The following RRAS2 variants were observed in gnomAD, a reference collection of about 807,000 sequenced individuals.
RRAS2 encodes the protein ras-related protein R-Ras2.
In RRAS2, 7 loss-of-function variants were observed where a neutral mutation model predicts 27.6. The ratio of observed to expected loss-of-function variants is 0.25; its 90% confidence interval spans 0.14 to 0.48. The LOEUF (loss-of-function observed/expected upper bound fraction) is 0.48, where lower values mean the gene tolerates loss of function less well. RRAS2 is among the 20% of genes least tolerant of loss of function. The pLI is 0.99. For synonymous variants in RRAS2, 86 were observed against 90.9 expected (o/e 0.95, Z 0.31); for missense variants, 178 against 256.2 (o/e 0.69, Z 2.08).
chr11:14,339,427 T>C (rs975389386), intron 1 of RRAS2, among the ~76,000 whole-genome samples: 24 of 152,210 alleles, frequency 1.6e-4, no homozygotes, highest in African/African-American at 5.3e-4. Flanking sequence ...AGAACAGTCA[T>C]TCTATTTTAT....
At chr11:14,339,632 T>C (rs1848658182) in intron 1 of RRAS2, among the ~76,000 whole-genome samples, 1 of 152,120 alleles carries the variant, frequency 6.6e-6, no homozygotes, top group Non-Finnish European at 1.5e-5. Context: ...TAAGTCAGAA[T>C]AGCATTTACA....
chr11:14,307,809 C>T (rs2970334), intron 1 of RRAS2, among the ~76,000 whole-genome samples: 60,385 of 151,824 alleles, frequency 0.4, 12,260 homozygotes, highest in Admixed American at 0.49. Context: ...AAAATGGAAA[C>T]GCCCCATTTG....
In RRAS2 at chr11:14,358,337, C is replaced by T; in HGVS notation, c.108+426G>A. On this transcript the variant is annotated intron_variant, in intron 1 of 5. Coordinates refer to ENST00000256196, the MANE Select transcript of RRAS2 (RefSeq NM_012250.6). The surrounding 1 kb of genome is among the most constrained non-coding windows in gnomAD (Gnocchi z 5.1). Reference sequence around the variant, plus strand: ...GCCGCGGCCAAGTTGCCACCGCTATCGCCCCGACGGTGAAGGCGCGGCCGC... The same window carrying T: ...GCCGCGGCCAAGTTGCCACCGCTATTGCCCCGACGGTGAAGGCGCGGCCGC... 1 of 985,630 alleles carries T rather than the reference C, an allele frequency of 1.0e-6. No individual in the cohort carries two copies. Among genetic ancestry groups the T allele is most frequent in the Non-Finnish European group, 1.2e-6 (1 of 830,088 alleles). 61.1% of individuals were successfully genotyped at this position (985,630 alleles called of 1,614,324 possible).
chr11:14,305,654 T>C (rs891147288), intron 1 of RRAS2, among the ~76,000 whole-genome samples: 4 of 152,150 alleles, frequency 2.6e-5, no homozygotes, highest in Non-Finnish European at 4.4e-5. Context: ...CCTCAAGAGA[T>C]ATTCCTTGAA....
At position 14,359,040 on chromosome 11, in the gene RRAS2, G is replaced by A. The variant is rs1554955899; in HGVS notation, c.-170C>T. On this transcript the variant is annotated 5_prime_UTR_variant, in exon 1 of 6. Coordinates refer to ENST00000256196, the MANE Select transcript of RRAS2 (RefSeq NM_012250.6). ...GGTCAGCGCGGTAGCGCGGCGCTGG[G>A]GACTGGCTGGGTACCGCCCGAGGCG... The A allele has an allele frequency of 8.9e-7, 1 of 1,120,304 alleles. No individual in the cohort carries two copies. The highest frequency in any genetic ancestry group is 1.7e-5 in the African/African-American group (1 of 60,474). The allele number at this position is 1,120,304 out of a possible 1,614,324, so 69.4% of individuals were successfully genotyped here.
intron 2 of RRAS2, 72 bp from the exon 3 acceptor site, chr11:14,294,934 T>A: frequency 8.1e-7 from 1 of 1,242,020 alleles, no homozygotes; most frequent in South Asian, 1.2e-5. Context: ...CAAGACCAAT[T>A]AATGTGAGTC....
At chr11:14,320,069 A>G (rs1175528378) in intron 1 of RRAS2, among the ~76,000 whole-genome samples, 2 of 152,224 alleles carry the variant, frequency 1.3e-5, no homozygotes, top group Non-Finnish European at 2.9e-5. Context: ...TTCTTCCTGC[A>G]AAACTCAATT....
At chr11:14,331,767 T>C (rs1480828143) in intron 1 of RRAS2, among the ~76,000 whole-genome samples, 6 of 149,194 alleles carry the variant, frequency 4.0e-5, no homozygotes, top group Admixed American at 4.0e-4. Flanking sequence ...AAAGGCAAGA[T>C]ATGGACTAGA....
At chr11:14,293,124 A>AATGATATAT (rs1847451804) in intron 4 of RRAS2, among the ~76,000 whole-genome samples, 1 of 76,822 alleles carries the variant, frequency 1.3e-5, no homozygotes, top group Non-Finnish European at 2.3e-5. Context: ...AAACAAAACA[A>AATGATATAT]ATATATATAT....
In RRAS2 at chr11:14,294,791, G is replaced by A. The variant is rs782791199; in HGVS notation, c.268C>T (p.Leu90=). The change falls in exon 3 of 6, where the codon CTG becomes TTG. Residue 90 remains leucine, a synonymous_variant. Transcript: ENST00000256196. ...CTATCTGTGACTGAAAAGACCAACA[G>A]GAAGCCTTCGCCAGTCCTCATATAC... is the stretch of plus-strand genomic sequence containing the variant. The part of the protein sequence containing the change: ...EQYMRTGEGF[L]LVFSVTDRGS... 1.9e-6 allele frequency: 3 copies of A among 1,613,678 alleles called. No homozygotes were observed. The highest frequency in any genetic ancestry group is 4.5e-5 in the East Asian group (2 of 44,850).
At chr11:14,311,473 T>C (rs531672899) in intron 1 of RRAS2, among the ~76,000 whole-genome samples, 2 of 152,184 alleles carry the variant, frequency 1.3e-5, no homozygotes, top group South Asian at 4.1e-4. Context: ...TTCAAGCAAT[T>C]TTCCTGCCTC....
intron 1 of RRAS2, among the ~76,000 whole-genome samples, chr11:14,312,335 T>C (rs772105084): frequency 3.3e-5 from 5 of 152,238 alleles, no homozygotes; most frequent in Non-Finnish European, 5.9e-5. Context: ...ATTTGACAAA[T>C]AGTTGTTGTG....
At chr11:14,348,844 T>A (rs138522333) in intron 1 of RRAS2, among the ~76,000 whole-genome samples, 1,915 of 152,334 alleles carry the variant, frequency 0.013, 41 homozygotes, top group African/African-American at 0.044. Flanking sequence ...TGCTAGGTGA[T>A]CTCATTGCTA....
intron 1 of RRAS2, among the ~76,000 whole-genome samples, chr11:14,319,707 T>C (rs1848186183): frequency 6.6e-6 from 1 of 152,132 alleles, no homozygotes; most frequent in Admixed American, 6.5e-5. Flanking sequence ...TTACCATACA[T>C]GATGGAGAAT....
intron 1 of RRAS2, among the ~76,000 whole-genome samples, chr11:14,357,711 A>G (rs1849112477): frequency 3.3e-5 from 5 of 152,184 alleles, no homozygotes; most frequent in Admixed American, 3.3e-4. Flanking sequence ...AATGGGTGAA[A>G]AGGAAACCAG....
At chr11:14,287,437 G>A (rs1554945202) in intron 4 of RRAS2, among the ~76,000 whole-genome samples, 9 of 152,126 alleles carry the variant, frequency 5.9e-5, no homozygotes, top group Non-Finnish European at 1.3e-4. Flanking sequence ...ATGATTGGGG[G>A]AAGGAAATAC....
At chr11:14,329,482 C>T (rs987739118) in intron 1 of RRAS2, among the ~76,000 whole-genome samples, 9 of 152,140 alleles carry the variant, frequency 5.9e-5, no homozygotes, top group Non-Finnish European at 1.0e-4. Flanking sequence ...TTAGACCCCT[C>T]GCATACACAG....
At chr11:14,322,334 G>A (rs1554950389) in intron 1 of RRAS2, among the ~76,000 whole-genome samples, 1 of 151,902 alleles carries the variant, frequency 6.6e-6, no homozygotes, top group Non-Finnish European at 1.5e-5. Flanking sequence ...CATCTACTTG[G>A]GAGGCTAAAC....
chr11:14,294,750 T>C lies in RRAS2; in HGVS notation c.299+10A>G, dbSNP rs1554946325. ...AGAACAGTGGATCTACATTCTAATA[T>C]GGTACAAACCTGCCTCTATCTGTGA... On this transcript the variant is annotated intron_variant, in intron 3 of 5. Transcript: ENST00000256196. The C allele has an allele frequency of 6.2e-7, 1 of 1,609,504 alleles. No homozygotes were observed. Among genetic ancestry groups the C allele is most frequent in the Non-Finnish European group, 8.5e-7 (1 of 1,176,202 alleles).
Sources: gnomAD v4.1 joint callset for allele counts (sites outside exome capture counted in the v4.1 genomes callset) on GRCh38, gnomAD v4.1.1 for gene constraint, Gnocchi (gnomAD v3.1) non-coding constraint, MANE v1.5 for transcripts, NCBI Gene and HGNC (gene_info 2026-07-23, HGNC 2026-07-21) for gene names.